NXPH1: variants seen among roughly 807,000 people sequenced by gnomAD.
The protein encoded by NXPH1 is neurexophilin 1, also known as neurexophilin-1.
In NXPH1, 5 loss-of-function variants were observed where a neutral mutation model predicts 23.7. That is an observed-to-expected ratio of 0.21 (90% CI 0.11 to 0.44). The LOEUF is 0.44. Among genes scored for constraint, NXPH1 ranks in the 20% least tolerant of loss-of-function variants. The probability of loss-of-function intolerance (pLI) is 0.99; values close to 1 mark genes in which losing one functional copy is unlikely to be tolerated. For synonymous variants in NXPH1, 144 were observed against 122.2 expected, an observed-to-expected ratio of 1.18 and a Z score of -1.18; for missense variants, 324 against 321.6, an observed-to-expected ratio of 1.01 and a Z score of -0.06.
In NXPH1 at chr7:8,527,091, G is replaced by T. The variant is rs73233666; in HGVS notation, c.54+91324G>T. Among the ~76,000 whole-genome samples the T allele has an allele frequency of 6.3e-3, 955 of 152,224 alleles. 8 individuals are homozygous for T. Among genetic ancestry groups the T allele is most frequent in the African/African-American group, 0.022 (916 of 41,546 alleles). On this transcript the variant is annotated intron_variant, in intron 2 of 2. Transcript: ENST00000405863. Reference sequence around the variant, plus strand: ...GAATTTTCCTATTAATTGGTATTTGGGTAAATCAGGTTTAATAGCTTCCTC... The same window carrying T: ...GAATTTTCCTATTAATTGGTATTTGTGTAAATCAGGTTTAATAGCTTCCTC...
intron 2 of NXPH1, among the ~76,000 whole-genome samples, chr7:8,496,955 G>C (rs1817347684): frequency 6.6e-6 from 1 of 151,962 alleles, no homozygotes; most frequent in African/African-American, 2.4e-5. Context: ...TGCCATGTTG[G>C]TGTGCTGCAC....
chr7:8,519,943 A>G (rs956449019), intron 2 of NXPH1, among the ~76,000 whole-genome samples: 4 of 152,166 alleles, frequency 2.6e-5, no homozygotes, highest in African/African-American at 9.7e-5. Flanking sequence ...TATCATCTTA[A>G]AAATCTCACT....
intron 2 of NXPH1, among the ~76,000 whole-genome samples, chr7:8,453,521 T>C (rs1816541618): frequency 6.6e-6 from 1 of 152,180 alleles, no homozygotes; most frequent in Non-Finnish European, 1.5e-5. Flanking sequence ...TCATGAGTTG[T>C]AAAGAACCAT....
At chr7:8,730,437 G>C (rs1325459107) in intron 2 of NXPH1, among the ~76,000 whole-genome samples, 2 of 151,746 alleles carry the variant, frequency 1.3e-5, no homozygotes, top group Admixed American at 6.6e-5. Context: ...TCCTAGTCTT[G>C]ATGGTCTTTA....
intron 2 of NXPH1, among the ~76,000 whole-genome samples, chr7:8,717,422 C>T (rs1479642533): frequency 2.0e-5 from 3 of 152,136 alleles, no homozygotes; most frequent in Non-Finnish European, 2.9e-5. Context: ...GAGTCAACCT[C>T]TGCAAAATGT....
intron 2 of NXPH1, among the ~76,000 whole-genome samples, chr7:8,638,837 G>A (rs74642042): frequency 0.055 from 8,310 of 152,048 alleles, 455 homozygotes; most frequent in East Asian, 0.17. Flanking sequence ...TTTACTGCTC[G>A]TATTTTACAA....
chr7:8,517,739 A>G (rs781517489), intron 2 of NXPH1, among the ~76,000 whole-genome samples: 1 of 152,148 alleles, frequency 6.6e-6, no homozygotes, highest in Non-Finnish European at 1.5e-5. Context: ...GAGGAACAAC[A>G]TTGATTTTTC....
chr7:8,645,462 A>G (rs184244424), intron 2 of NXPH1, among the ~76,000 whole-genome samples: 4 of 152,026 alleles, frequency 2.6e-5, no homozygotes, highest in Admixed American at 1.3e-4. Flanking sequence ...TCCCTCTGTG[A>G]TATTCTCCTT....
intron 2 of NXPH1, among the ~76,000 whole-genome samples, chr7:8,652,538 C>T (rs1820506196): frequency 6.6e-6 from 1 of 152,106 alleles, no homozygotes; most frequent in Non-Finnish European, 1.5e-5. Context: ...ACTAGAAATT[C>T]AGGAGGTTTC....
chr7:8,473,563 T>C (rs1023134261), intron 2 of NXPH1, among the ~76,000 whole-genome samples: 1 of 152,144 alleles, frequency 6.6e-6, no homozygotes, highest in Non-Finnish European at 1.5e-5. Context: ...TTGTACTGTA[T>C]TATCAGTTCA....
At chr7:8,616,087 G>A (rs1819729931) in intron 2 of NXPH1, among the ~76,000 whole-genome samples, 1 of 152,002 alleles carries the variant, frequency 6.6e-6, no homozygotes, top group African/African-American at 2.4e-5. Flanking sequence ...ATCTCACTCA[G>A]AATAAATCTC....
intron 2 of NXPH1, among the ~76,000 whole-genome samples, chr7:8,547,428 A>G (rs1818213689): frequency 6.6e-6 from 1 of 151,454 alleles, no homozygotes; most frequent in Admixed American, 6.6e-5. Flanking sequence ...TAATAGAAAC[A>G]GCACAAGATG....
intron 2 of NXPH1, among the ~76,000 whole-genome samples, chr7:8,573,181 G>T (rs1470524701): frequency 6.7e-6 from 1 of 149,790 alleles, no homozygotes; most frequent in Non-Finnish European, 1.5e-5. Flanking sequence ...ATTTCTCCTT[G>T]TCATTAAAAA....
chr7:8,739,060 G>A (rs898704695), intron 2 of NXPH1, among the ~76,000 whole-genome samples: 1 of 151,706 alleles, frequency 6.6e-6, no homozygotes, highest in Non-Finnish European at 1.5e-5. Flanking sequence ...AGCTTGCTGG[G>A]CTCCTTGGGG....
intron 2 of NXPH1, among the ~76,000 whole-genome samples, chr7:8,465,915 C>T (rs931867695): frequency 2.0e-5 from 3 of 152,288 alleles, no homozygotes; most frequent in South Asian, 2.1e-4. Context: ...AGAGAATCCC[C>T]TTCTGTCCCC....
chr7:8,696,776 G>A (rs539146460), intron 2 of NXPH1, among the ~76,000 whole-genome samples: 148 of 150,942 alleles, frequency 9.8e-4, no homozygotes, highest in Non-Finnish European at 1.6e-3. Flanking sequence ...GTGAGACGGA[G>A]CTTGCGGTGA....
intron 2 of NXPH1, among the ~76,000 whole-genome samples, chr7:8,547,773 G>A (rs2214514): frequency 2.6e-5 from 4 of 151,212 alleles, no homozygotes; most frequent in African/African-American, 7.3e-5. Context: ...GTTTCTGAGT[G>A]AGTTCACTTA....
intron 2 of NXPH1, among the ~76,000 whole-genome samples, chr7:8,456,083 G>C (rs767783537): frequency 6.6e-6 from 1 of 152,092 alleles, no homozygotes; most frequent in Non-Finnish European, 1.5e-5. Context: ...TGAGGCATAG[G>C]GTAGTTAATT....
intron 2 of NXPH1, among the ~76,000 whole-genome samples, chr7:8,678,129 T>G (rs1027967144): frequency 2.0e-5 from 3 of 152,158 alleles, no homozygotes; most frequent in Non-Finnish European, 2.9e-5. Flanking sequence ...TTATCCTATT[T>G]CAAGTACTCT....
Sources: allele counts gnomAD v4.1 joint callset (sites outside exome capture counted in the v4.1 genomes callset), GRCh38; gene constraint gnomAD v4.1.1; transcripts MANE v1.5; gene names NCBI Gene and HGNC (gene_info 2026-07-23, HGNC 2026-07-21).